PLCH1: variants seen among roughly 807,000 people sequenced by gnomAD.
The protein encoded by PLCH1 is phospholipase C eta 1.
Under a neutral mutation model 126.7 loss-of-function variants are expected in PLCH1, and 60 were observed. That is an observed-to-expected ratio of 0.47 (90% CI 0.38 to 0.59). The LOEUF is 0.59. Ranked by LOEUF, PLCH1 falls within the 20% of genes least tolerant of loss-of-function variation. The probability of loss-of-function intolerance (pLI) is 0.00; values close to 1 mark genes in which losing one functional copy is unlikely to be tolerated. For missense variants in PLCH1, 1,723 were observed against 2,040.0 expected (o/e 0.84, Z 2.99); for synonymous variants, 719 against 734.9 (o/e 0.98, Z 0.35).
rs534418179 is a variant in PLCH1, at chr3:155,470,038, C to T, written c.2938+15318G>A. Reference sequence around the variant, plus strand: ...GAACGCCTCTCCTCCTCCAAAGGAACGCAGTTCCTCACCAGCAACGGAACA... The same window carrying T: ...GAACGCCTCTCCTCCTCCAAAGGAATGCAGTTCCTCACCAGCAACGGAACA... On this transcript the variant is annotated intron_variant, in intron 21 of 21. Coordinates refer to the PLCH1 transcript ENST00000494598. Among the ~76,000 whole-genome samples the T allele has an allele frequency of 4.9e-3, 745 of 152,250 alleles. 2 individuals are homozygous for T. The highest frequency in any genetic ancestry group is 7.8e-3 in the Non-Finnish European group (532 of 68,018).
intron 6 of PLCH1, 143 bp from the exon 7 acceptor site, chr3:155,568,467 G>A (rs567856794): frequency 5.9e-4 from 263 of 444,056 alleles, no homozygotes; most frequent in African/African-American, 5.0e-3. Context: ...TAGTGTCACA[G>A]CTATTTTATC....
In PLCH1 at chr3:155,480,524, CA is replaced by C. The variant is rs1560038660; in HGVS notation, c.*443del. 1 of 154,652 alleles carries C rather than the reference CA, an allele frequency of 6.5e-6. No individual in the cohort carries two copies. Among genetic ancestry groups the C allele is most frequent in the East Asian group, 1.9e-4 (1 of 5,226 alleles). The allele number at this position is 154,652 out of a possible 1,614,324, so 9.6% of individuals were successfully genotyped here. On this transcript the variant is annotated 3_prime_UTR_variant, in exon 23 of 23. Transcript: ENST00000460012. Reference sequence around the variant, plus strand: ...CTGGGCTTCTGAACAAAGAGGGAAACATAGGAAAAATGATAACAGATTAAAG... The same window carrying C: ...CTGGGCTTCTGAACAAAGAGGGAAACTAGGAAAAATGATAACAGATTAAAG...
At chr3:155,551,737 A>C (rs1726178910) in intron 9 of PLCH1, among the ~76,000 whole-genome samples, 1 of 151,654 alleles carries the variant, frequency 6.6e-6, no homozygotes, top group Non-Finnish European at 1.5e-5. Flanking sequence ...ATTAGTGCCA[A>C]GGTTGAGAAA....
At chr3:155,498,554 G>C (rs1355564842) in intron 14 of PLCH1, among the ~76,000 whole-genome samples, 1 of 152,182 alleles carries the variant, frequency 6.6e-6, no homozygotes, top group African/African-American at 2.4e-5. Context: ...GAACTACATG[G>C]CCTTTGCAGG....
intron 2 of PLCH1, chr3:155,658,072 G>A (rs76319422): frequency 0.011 from 2,283 of 214,928 alleles, 20 homozygotes; most frequent in Middle Eastern, 0.043. Context: ...TGGTGACAAG[G>A]ATGGTGGTAC....
intron 3 of PLCH1, among the ~76,000 whole-genome samples, chr3:155,594,413 T>C (rs1179431442): frequency 6.8e-6 from 1 of 147,772 alleles, no homozygotes; most frequent in Non-Finnish European, 1.5e-5. Flanking sequence ...TCTGCTAAAA[T>C]AAAAAAAAAA....
At chr3:155,468,987 T>TG in intron 21 of PLCH1, among the ~76,000 whole-genome samples, 1 of 152,304 alleles carries the variant, frequency 6.6e-6, no homozygotes, top group South Asian at 2.1e-4. Context: ...CCTTAGCACA[T>TG]GGGTCATTCT....
intron 1 of PLCH1, among the ~76,000 whole-genome samples, chr3:155,738,597 C>A (rs984283925): frequency 6.6e-6 from 1 of 151,986 alleles, no homozygotes; most frequent in Non-Finnish European, 1.5e-5. Flanking sequence ...GCCTGGCTAA[C>A]ACGGTGAAAC....
At chr3:155,503,534 T>G (rs77218905) in intron 13 of PLCH1, among the ~76,000 whole-genome samples, 2,627 of 137,470 alleles carry the variant, frequency 0.019, 81 homozygotes, top group African/African-American at 0.08. Flanking sequence ...TTGTTACTTC[T>G]GTCTTTTTTT....
intron 12 of PLCH1, among the ~76,000 whole-genome samples, chr3:155,505,134 T>C (rs780681917): frequency 2.6e-5 from 4 of 152,156 alleles, no homozygotes; most frequent in Non-Finnish European, 5.9e-5. Flanking sequence ...ATAAATAAAA[T>C]CCAAGGATAT....
intron 3 of PLCH1, among the ~76,000 whole-genome samples, 154 bp from the exon 4 acceptor site, chr3:155,594,338 AG>A (rs1183979925): frequency 6.6e-6 from 1 of 152,100 alleles, no homozygotes; most frequent in Non-Finnish European, 1.5e-5. Flanking sequence ...TGGGAGGTCG[AG>A]GTGGACAGAT....
At chr3:155,549,214 G>GA (rs1218069560) in intron 10 of PLCH1, among the ~76,000 whole-genome samples, 2 of 152,118 alleles carry the variant, frequency 1.3e-5, no homozygotes, top group Non-Finnish European at 1.5e-5. Flanking sequence ...TCCTCTCTCA[G>GA]AAAATCTGTT....
chr3:155,636,090 T>C (rs1738685957), intron 2 of PLCH1, among the ~76,000 whole-genome samples: 1 of 152,092 alleles, frequency 6.6e-6, no homozygotes, highest in Admixed American at 6.6e-5. Context: ...GAAAGAAAAC[T>C]TTTTCAAAAG....
chr3:155,626,544 TG>T (rs1349007026), intron 2 of PLCH1, among the ~76,000 whole-genome samples: 1 of 151,488 alleles, frequency 6.6e-6, no homozygotes, highest in African/African-American at 2.4e-5. Flanking sequence ...CCAAGGCGGG[TG>T]GTTCACGAGG....
chr3:155,710,579 T>A (rs1026916200), intron 1 of PLCH1, among the ~76,000 whole-genome samples: 2 of 152,108 alleles, frequency 1.3e-5, no homozygotes, highest in African/African-American at 4.8e-5. Flanking sequence ...ATGCCTGTAA[T>A]CCCAGCACTT....
intron 21 of PLCH1, among the ~76,000 whole-genome samples, chr3:155,474,275 C>G (rs1396121842): frequency 6.7e-5 from 10 of 148,198 alleles, no homozygotes; most frequent in Admixed American, 1.4e-4. Flanking sequence ...AGGACATGAA[C>G]AGACACTTCT....
intron 2 of PLCH1, among the ~76,000 whole-genome samples, chr3:155,623,323 C>A (rs1033638627): frequency 6.6e-6 from 1 of 152,060 alleles, no homozygotes; most frequent in Admixed American, 6.6e-5. Context: ...AAAATCGATA[C>A]CCTAACATCA....
chr3:155,479,461 TCTC>T (rs1315820978), downstream of PLCH1, among the ~76,000 whole-genome samples: 2 of 151,892 alleles, frequency 1.3e-5, no homozygotes, highest in Non-Finnish European at 2.9e-5. Context: ...GACCAAGTGT[TCTC>T]CTCTGCACTC....
intron 11 of PLCH1, among the ~76,000 whole-genome samples, chr3:155,522,748 CT>C (rs1203890941): frequency 3.4e-5 from 5 of 147,598 alleles, no homozygotes; most frequent in African/African-American, 1.3e-4. Flanking sequence ...AATCATAGTC[CT>C]GATGTCTAGA....
Sources: gnomAD v4.1 joint callset for allele counts (sites outside exome capture counted in the v4.1 genomes callset) on GRCh38, gnomAD v4.1.1 for gene constraint, MANE v1.5 for transcripts, NCBI Gene and HGNC (gene_info 2026-07-23, HGNC 2026-07-21) for gene names.